Variants in SLC6A15 observed in about 807,000 individuals in gnomAD.
SLC6A15 encodes the protein solute carrier family 6 member 15.
In SLC6A15, 33 loss-of-function variants were observed where a neutral mutation model predicts 68.5. That is an observed-to-expected ratio of 0.48 (90% CI 0.37 to 0.64). The LOEUF (loss-of-function observed/expected upper bound fraction) is 0.64. SLC6A15 is among the 30% of genes least tolerant of loss of function. The probability of loss-of-function intolerance (pLI) is 0.00; values close to 1 mark genes in which losing one functional copy is unlikely to be tolerated. For missense variants in SLC6A15, 747 were observed against 874.3 expected (o/e 0.85, Z 1.84); for synonymous variants, 347 against 301.0 (o/e 1.15, Z -1.58).
At chr12:84,895,027 T>G (rs112711967) in intron 1 of SLC6A15, among the ~76,000 whole-genome samples, 2 of 152,202 alleles carry the variant, frequency 1.3e-5, no homozygotes, top group African/African-American at 4.8e-5. Flanking sequence ...GAATCCTTAA[T>G]GATATTATAA....
chr12:84,870,104 A>C (rs915788364), intron 9 of SLC6A15, among the ~76,000 whole-genome samples: 6 of 151,924 alleles, frequency 3.9e-5, no homozygotes, highest in Non-Finnish European at 8.8e-5. Flanking sequence ...TTGGATAGGA[A>C]TATCACATCT....
In SLC6A15 at chr12:84,871,047, A is replaced by G. The variant is rs1022648806; in HGVS notation, c.1303-377T>C. Among the ~76,000 whole-genome samples, 37 of 151,928 alleles carry G rather than the reference A, an allele frequency of 2.4e-4. 1 individual carries two copies. In the East Asian group the frequency reaches 3.7e-3, roughly 15 times the overall value. ...TTATCATAGATATATAAATACAAAT[A>G]TATATATACAACTATTTCTGGCTCA... On this transcript the variant is annotated intron_variant, in intron 8 of 11. Transcript: ENST00000266682.
chr12:84,889,272 T>C (rs1872269835), intron 2 of SLC6A15, among the ~76,000 whole-genome samples: 1 of 151,674 alleles, frequency 6.6e-6, no homozygotes, highest in Non-Finnish European at 1.5e-5. Context: ...AGACGGATCA[T>C]GAGGTCAGGA....
At chr12:84,889,998 A>G (rs543978384) in intron 2 of SLC6A15, among the ~76,000 whole-genome samples, 86 of 152,216 alleles carry the variant, frequency 5.6e-4, no homozygotes, top group Non-Finnish European at 9.6e-4. Context: ...CATGAATAAG[A>G]TTTTGATAGC....
intron 2 of SLC6A15, among the ~76,000 whole-genome samples, chr12:84,889,674 A>G (rs1438526375): frequency 6.6e-6 from 1 of 152,198 alleles, no homozygotes; most frequent in Non-Finnish European, 1.5e-5. Flanking sequence ...ATTTCTAAGC[A>G]CATTACCTGT....
intron 1 of SLC6A15, among the ~76,000 whole-genome samples, chr12:84,893,889 G>A (rs1872530066): frequency 6.6e-6 from 1 of 152,122 alleles, no homozygotes; most frequent in African/African-American, 2.4e-5. Context: ...TTAGAAAATT[G>A]TGAAAGAGAT....
intron 8 of SLC6A15, among the ~76,000 whole-genome samples, chr12:84,871,546 A>G (rs1456884277): frequency 6.6e-6 from 1 of 152,116 alleles, no homozygotes; most frequent in Non-Finnish European, 1.5e-5. Flanking sequence ...CCAAACTTCA[A>G]GTTGTGTTGT....
chr12:84,871,578 TA>T (rs556527522), intron 8 of SLC6A15, among the ~76,000 whole-genome samples: 1,608 of 147,574 alleles, frequency 0.011, 27 homozygotes, highest in South Asian at 0.057. Context: ...AGATGAGAAT[TA>T]AAAAAAAAAA....
intron 1 of SLC6A15, among the ~76,000 whole-genome samples, chr12:84,896,434 G>A (rs1872643279): frequency 6.6e-6 from 1 of 151,924 alleles, no homozygotes; most frequent in African/African-American, 2.4e-5. Flanking sequence ...TGTTATGGCT[G>A]ATTTTGTGCT....
chr12:84,884,100 C>A (rs2120637270), intron 4 of SLC6A15, 60 bp from the exon 5 acceptor site: 1 of 1,401,634 alleles, frequency 7.1e-7, no homozygotes, highest in Non-Finnish European at 1.0e-6. Context: ...GCGACAATTT[C>A]TTTTCCAATA....
Position 84,892,213 on chromosome 12 carries a change from GAAGTA to G in SLC6A15, c.-98_-94del. 1 of 1,197,916 alleles carries G rather than the reference GAAGTA, an allele frequency of 8.3e-7. No individual in the cohort carries two copies. Among genetic ancestry groups the G allele is most frequent in the South Asian group, 1.6e-5 (1 of 63,944 alleles). The allele number at this position is 1,197,916 out of a possible 1,614,324, so 74.2% of individuals were successfully genotyped here. On this transcript the variant is annotated 5_prime_UTR_variant, in exon 2 of 12. Coordinates refer to ENST00000266682, the MANE Select transcript of SLC6A15 (RefSeq NM_182767.6). The stretch of plus-strand genomic sequence containing the variant: ...TTTTCAAAACAATGTTACTTGATAG[GAAGTA>G]AAGACCGAGGATGATATCAAATAAA...
At position 84,891,848 on chromosome 12, in the gene SLC6A15, A is replaced by G; in HGVS notation, c.273T>C (p.Cys91=). 6.2e-7 allele frequency: 1 copy of G among 1,613,340 alleles called. No homozygotes were observed. The highest frequency in any genetic ancestry group is 8.5e-7 in the Non-Finnish European group (1 of 1,179,500). ...ATTACTTACCGCCCCCATTCTTCTG[A>G]CATAGGTATGGAAATCGCCACACAT... ...LGNVWRFPYL[C]QKNGGGAYLL... Residue 91 remains cysteine, a synonymous_variant, in exon 2 of 12, where the codon TGT becomes TGC. Transcript: ENST00000266682.
At chr12:84,893,512 C>A (rs1565730268) in intron 1 of SLC6A15, among the ~76,000 whole-genome samples, 2 of 151,976 alleles carry the variant, frequency 1.3e-5, no homozygotes, top group African/African-American at 2.4e-5. Context: ...TACAGTCCAG[C>A]GACACTATGT....
At chr12:84,898,430 T>C (rs1872721939) in intron 1 of SLC6A15, among the ~76,000 whole-genome samples, 4 of 152,212 alleles carry the variant, frequency 2.6e-5, no homozygotes, top group African/African-American at 9.6e-5. Context: ...CTTTCTTATT[T>C]GATTGTAATG....
intron 2 of SLC6A15, among the ~76,000 whole-genome samples, chr12:84,890,728 C>T (rs1416282105): frequency 6.6e-6 from 1 of 151,962 alleles, no homozygotes; most frequent in African/African-American, 2.4e-5. Context: ...TTTCAGTGGC[C>T]AGGAAAAAAT....
At position 84,862,056 on chromosome 12, in the gene SLC6A15, A is replaced by C. The variant is rs776944822; in HGVS notation, c.1819-50T>G. ...ATTAGTAATCTATCTTTCTTTGCACATACATAAAATATTGTACTTGCTTCA... is the reference window on the plus strand; with the variant it reads ...ATTAGTAATCTATCTTTCTTTGCACCTACATAAAATATTGTACTTGCTTCA... On this transcript the variant is annotated intron_variant, in intron 11 of 11. Coordinates refer to ENST00000266682, the MANE Select transcript of SLC6A15 (RefSeq NM_182767.6). 5 of 1,491,126 alleles carry C rather than the reference A, an allele frequency of 3.4e-6. No individual in the cohort carries two copies. The Admixed American group carries it at 1.1e-4, about 33-fold the overall frequency. The allele number at this position is 1,491,126 out of a possible 1,614,324, so 92.4% of individuals were successfully genotyped here.
intron 5 of SLC6A15, chr12:84,880,963 C>A (rs1046309217): frequency 6.9e-5 from 51 of 737,180 alleles, no homozygotes; most frequent in Non-Finnish European, 8.3e-5. Flanking sequence ...TTAATTCTGG[C>A]CAACTATTTA....
chr12:84,872,854 A>G, intron 7 of SLC6A15, 60 bp from the exon 8 acceptor site: 2 of 1,364,514 alleles, frequency 1.5e-6, no homozygotes. Context: ...ATAGTTTGTG[A>G]ACGACTATGC....
chr12:84,893,553 T>A (rs993556810), intron 1 of SLC6A15, among the ~76,000 whole-genome samples: 1 of 152,190 alleles, frequency 6.6e-6, no homozygotes, highest in East Asian at 1.9e-4. Flanking sequence ...TGACTGCTTC[T>A]CTTCAAATCT....
Sources: gnomAD v4.1 joint callset for allele counts (sites outside exome capture counted in the v4.1 genomes callset) on GRCh38, gnomAD v4.1.1 for gene constraint, MANE v1.5 for transcripts, NCBI Gene and HGNC (gene_info 2026-07-23, HGNC 2026-07-21) for gene names.